Variants in CACNA2D1 observed in about 807,000 individuals in gnomAD.
The protein encoded by CACNA2D1 is calcium voltage-gated channel auxiliary subunit alpha2delta 1.
CACNA2D1 carries 53 observed loss-of-function variants against 171.5 expected under a neutral mutation model. That is an observed-to-expected ratio of 0.31 (90% CI 0.25 to 0.39). CACNA2D1 has a LOEUF of 0.39. Ranked by LOEUF, CACNA2D1 falls within the 10% of genes least tolerant of loss-of-function variation. CACNA2D1 has a pLI of 1.00. For synonymous variants in CACNA2D1, 442 were observed against 443.1 expected, an observed-to-expected ratio of 1.00 and a Z score of 0.03; for missense variants, 903 against 1,299.8, an observed-to-expected ratio of 0.69 and a Z score of 4.69.
Position 82,140,954 on chromosome 7 carries a change from T to TAAAA in CACNA2D1, c.355-4282_355-4279dup, listed in dbSNP as rs1324664679. ...TAGGCGACAGAGCAAGACTCGTCTCTAAAAAAAAAAAAAAAGAAAAAAAAA... is the reference window on the plus strand; with the variant it reads ...TAGGCGACAGAGCAAGACTCGTCTCTAAAAAAAAAAAAAAAAAAAGAAAAAAAAA... On this transcript the variant is annotated intron_variant, in intron 4 of 38. Transcript: ENST00000356860. Among the ~76,000 whole-genome samples, 94 of 91,714 alleles carry TAAAA rather than the reference T, an allele frequency of 1.0e-3. 6 individuals carry two copies. The highest frequency in any genetic ancestry group is 3.4e-3 in the African/African-American group (67 of 19,574). The allele number at this position is 91,714 out of a possible 152,430, so 60.2% of individuals were successfully genotyped here.
intron 6 of CACNA2D1, among the ~76,000 whole-genome samples, chr7:82,110,688 T>C (rs577066575): frequency 6.6e-6 from 1 of 152,246 alleles, no homozygotes; most frequent in Admixed American, 6.5e-5. Flanking sequence ...TGAAGATCTT[T>C]GAGTTTTCTG....
At chr7:82,124,390 G>T (rs79251225) in intron 5 of CACNA2D1, among the ~76,000 whole-genome samples, 7,718 of 152,146 alleles carry the variant, frequency 0.051, 277 homozygotes, top group South Asian at 0.14. Context: ...CAACCAATCA[G>T]ACTGGTCACA....
chr7:82,307,757 G>A (rs1406763347), intron 3 of CACNA2D1, among the ~76,000 whole-genome samples: 1 of 151,982 alleles, frequency 6.6e-6, no homozygotes, highest in Non-Finnish European at 1.5e-5. Context: ...TTGCATCCTT[G>A]CTTAGTCATT....
At chr7:82,077,751 T>C (rs1158065550) in intron 7 of CACNA2D1, among the ~76,000 whole-genome samples, 1 of 85,320 alleles carries the variant, frequency 1.2e-5, no homozygotes, top group Non-Finnish European at 2.4e-5. Context: ...CATAAACAAA[T>C]GTTAAAGTAA....
At chr7:82,302,411 CTTT>C (rs200236524) in intron 3 of CACNA2D1, among the ~76,000 whole-genome samples, 2 of 140,066 alleles carry the variant, frequency 1.4e-5, no homozygotes, top group Non-Finnish European at 1.5e-5. Flanking sequence ...ATTTCTAATT[CTTT>C]TTTTTTTTTT....
At chr7:82,364,050 A>G (rs886623413) in intron 1 of CACNA2D1, among the ~76,000 whole-genome samples, 8 of 152,150 alleles carry the variant, frequency 5.3e-5, no homozygotes, top group African/African-American at 1.9e-4. Context: ...CCTGGCCAAC[A>G]TGGCAAAACC....
At chr7:82,140,974 A>C (rs1322817893) in intron 4 of CACNA2D1, among the ~76,000 whole-genome samples, 2 of 147,222 alleles carry the variant, frequency 1.4e-5, no homozygotes, top group African/African-American at 4.9e-5. Context: ...AAAAAAGAAA[A>C]AAAAATTGCA....
Position 81,946,453 on chromosome 7 carries a change from A to G in CACNA2D1, c.*3939T>C, listed in dbSNP as rs960365871. On this transcript the variant is annotated 3_prime_UTR_variant, in exon 39 of 39. Coordinates refer to ENST00000356860, the MANE Select transcript of CACNA2D1 (RefSeq NM_000722.4). ...AACCCAAACCGCGTGGTGACTTTAA[A>G]TGATAAACTTTTATTCTGAATATAC... is the stretch of plus-strand genomic sequence containing the variant. 1 of 152,154 alleles carries G rather than the reference A, an allele frequency of 6.6e-6. No homozygotes were observed. The highest frequency in any genetic ancestry group is 2.4e-5 in the African/African-American group (1 of 41,452). The allele number at this position is 152,154 out of a possible 1,614,324, so 9.4% of individuals were successfully genotyped here. A position where few individuals can be genotyped will look rare whatever the true frequency, so the allele number is the denominator to read the frequency against.
At chr7:81,971,002 A>G (rs2130441925) in intron 26 of CACNA2D1, 1 of 457,028 alleles carries the variant, frequency 2.2e-6, no homozygotes. Context: ...GCAGGAAGGT[A>G]TCACTTGTAG....
intron 2 of CACNA2D1, among the ~76,000 whole-genome samples, chr7:82,347,483 T>C (rs896071858): frequency 1.3e-5 from 2 of 152,124 alleles, no homozygotes; most frequent in Non-Finnish European, 2.9e-5. Context: ...CAATAATAAA[T>C]TTCTAACTGG....
At chr7:81,999,072 A>T (rs929795416) in intron 18 of CACNA2D1, among the ~76,000 whole-genome samples, 1 of 152,174 alleles carries the variant, frequency 6.6e-6, no homozygotes, top group Non-Finnish European at 1.5e-5. Context: ...AAGAGTATTT[A>T]TCTTACATGC....
intron 4 of CACNA2D1, among the ~76,000 whole-genome samples, chr7:82,150,104 A>AG: frequency 6.6e-6 from 1 of 151,894 alleles, no homozygotes; most frequent in Non-Finnish European, 1.5e-5. Flanking sequence ...AAATGCTTAA[A>AG]CGGCTTTAAG....
chr7:82,252,107 C>T (rs1398516441), intron 3 of CACNA2D1, among the ~76,000 whole-genome samples: 1 of 152,088 alleles, frequency 6.6e-6, no homozygotes, highest in Non-Finnish European at 1.5e-5. Context: ...CCCTATTCTT[C>T]TTGTTTTAAA....
At chr7:81,980,305 G>C (rs1796325396) in intron 24 of CACNA2D1, among the ~76,000 whole-genome samples, 1 of 149,726 alleles carries the variant, frequency 6.7e-6, no homozygotes, top group Non-Finnish European at 1.5e-5. Flanking sequence ...TTAGGCTTTT[G>C]TGGCCCATAA....
intron 38 of CACNA2D1, among the ~76,000 whole-genome samples, chr7:81,953,307 T>C (rs1279853444): frequency 4.6e-5 from 7 of 152,096 alleles, no homozygotes; most frequent in Non-Finnish European, 8.8e-5. Context: ...ACATTTCTCA[T>C]CATTCTCAGA....
chr7:82,308,432 C>T (rs1197782122), intron 3 of CACNA2D1, among the ~76,000 whole-genome samples: 1 of 152,140 alleles, frequency 6.6e-6, no homozygotes, highest in Admixed American at 6.5e-5. Flanking sequence ...TCATAGAGCC[C>T]CAACAGTCAC....
intron 3 of CACNA2D1, among the ~76,000 whole-genome samples, chr7:82,214,217 C>A (rs550830945): frequency 9.2e-5 from 14 of 152,290 alleles, no homozygotes; most frequent in African/African-American, 2.9e-4. Flanking sequence ...CATTGCAACA[C>A]TGGAAAAATT....
Position 81,969,784 on chromosome 7 carries a change from T to C in CACNA2D1, c.2308+97A>G, listed in dbSNP as rs140328057. 218 of 732,652 alleles carry C rather than the reference T, an allele frequency of 3.0e-4. 3 individuals are homozygous for C. In the African/African-American group the frequency reaches 3.5e-3, roughly 12 times the overall value. The allele number at this position is 732,652 out of a possible 1,614,324, so 45.4% of individuals were successfully genotyped here. On this transcript the variant is annotated intron_variant, in intron 28 of 38. Coordinates refer to ENST00000356860, the MANE Select transcript of CACNA2D1 (RefSeq NM_000722.4). ...TTTTAATGATGACTATTCTGAGTAG[T>C]TAACATAAAATGTAGTGATTTGGGG...
chr7:82,171,202 G>T (rs1056517367), intron 3 of CACNA2D1, among the ~76,000 whole-genome samples: 1 of 152,038 alleles, frequency 6.6e-6, no homozygotes, highest in Admixed American at 6.6e-5. Flanking sequence ...TGCTAAAGTA[G>T]TTAAGAATTA....
Sources: gnomAD v4.1 joint callset for allele counts (sites outside exome capture counted in the v4.1 genomes callset) on GRCh38, gnomAD v4.1.1 for gene constraint, MANE v1.5 for transcripts, NCBI Gene and HGNC (gene_info 2026-07-23, HGNC 2026-07-21) for gene names.